AKT3: variants seen among roughly 807,000 people sequenced by gnomAD.
The protein encoded by AKT3 is RAC-gamma serine/threonine-protein kinase.
A neutral mutation model predicts 65.3 loss-of-function variants in AKT3; 15 were observed. The ratio of observed to expected loss-of-function variants is 0.23; its 90% CI spans 0.15 to 0.35. The LOEUF (loss-of-function observed/expected upper bound fraction) is 0.35. Among genes scored for constraint, AKT3 ranks in the 10% least tolerant of loss-of-function variants. AKT3 has a pLI of 1.00. For synonymous variants in AKT3, 206 were observed against 183.8 expected (o/e 1.12, Z -0.98); for missense variants, 243 against 576.5 (o/e 0.42, Z 5.92).
chr1:243,689,482 ATTTTTTTT>A (rs11354558), intron 3 of AKT3, among the ~76,000 whole-genome samples: 1 of 128,388 alleles, frequency 7.8e-6, no homozygotes, highest in African/African-American at 2.9e-5. Flanking sequence ...TTATTCAAAG[ATTTTTTTT>A]TTTTTTTTTT....
intron 12 of AKT3, among the ~76,000 whole-genome samples, chr1:243,529,074 T>C (rs1170721782): frequency 6.6e-6 from 1 of 152,134 alleles, no homozygotes; most frequent in African/African-American, 2.4e-5. Context: ...CATTTTTTCA[T>C]ATGCCTGTTG....
At chr1:243,593,649 G>A (rs1022645135) in intron 8 of AKT3, among the ~76,000 whole-genome samples, 1 of 152,086 alleles carries the variant, frequency 6.6e-6, no homozygotes, top group Non-Finnish European at 1.5e-5. Context: ...CTGAGATCAC[G>A]CCACTGCACT....
At chr1:243,834,866 C>CTT (rs1258130397) in intron 2 of AKT3, among the ~76,000 whole-genome samples, 1 of 151,900 alleles carries the variant, frequency 6.6e-6, no homozygotes, top group East Asian at 1.9e-4. Flanking sequence ...TTTTCCTGCT[C>CTT]TTTTTCAAAA....
chr1:243,747,772 A>T (rs1006272104), intron 2 of AKT3, among the ~76,000 whole-genome samples: 2 of 152,228 alleles, frequency 1.3e-5, no homozygotes, highest in Non-Finnish European at 2.9e-5. Flanking sequence ...AAACACAAAA[A>T]AAATCAAAAG....
chr1:243,793,763 A>G (rs1483542127), intron 2 of AKT3, among the ~76,000 whole-genome samples: 1 of 138,186 alleles, frequency 7.2e-6, no homozygotes, highest in African/African-American at 2.5e-5. Context: ...TCAACAACAG[A>G]GCAAAACTGT....
chr1:243,531,684 G>T (rs115171732), intron 12 of AKT3, among the ~76,000 whole-genome samples: 1 of 152,182 alleles, frequency 6.6e-6, no homozygotes, highest in South Asian at 2.1e-4. Context: ...AGAAAAAACT[G>T]CACTGAATCT....
intron 12 of AKT3, among the ~76,000 whole-genome samples, chr1:243,518,991 G>A (rs959173187): frequency 6.6e-6 from 1 of 152,164 alleles, no homozygotes; most frequent in African/African-American, 2.4e-5. Context: ...TTAAATCACT[G>A]ATGCTTTATG....
At chr1:243,783,899 A>G (rs1312485827) in intron 2 of AKT3, among the ~76,000 whole-genome samples, 1 of 152,206 alleles carries the variant, frequency 6.6e-6, no homozygotes, top group Non-Finnish European at 1.5e-5. Context: ...AAATGTACAA[A>G]TTCCAGCTTT....
chr1:243,711,117 C>G (rs1240012109), intron 2 of AKT3, among the ~76,000 whole-genome samples: 1 of 152,118 alleles, frequency 6.6e-6, no homozygotes, highest in Non-Finnish European at 1.5e-5. Flanking sequence ...TCAGGAGTTA[C>G]AGACAAGCCT....
intron 2 of AKT3, among the ~76,000 whole-genome samples, chr1:243,796,568 T>C (rs1260791971): frequency 6.6e-6 from 1 of 152,212 alleles, no homozygotes; most frequent in African/African-American, 2.4e-5. Context: ...TCTGATCCCA[T>C]TTAATACCAT....
chr1:243,629,407 T>G (rs1679431067), intron 6 of AKT3, among the ~76,000 whole-genome samples: 1 of 152,160 alleles, frequency 6.6e-6, no homozygotes, highest in Admixed American at 6.5e-5. Context: ...CAAAAGAACT[T>G]CTTTCAGGAT....
intron 5 of AKT3, among the ~76,000 whole-genome samples, chr1:243,638,982 C>G (rs936785190): frequency 6.6e-6 from 1 of 152,100 alleles, no homozygotes; most frequent in South Asian, 2.1e-4. Context: ...TGATAAGCCT[C>G]TGGCCAGGTT....
At chr1:243,829,061 T>A (rs912931800) in intron 2 of AKT3, among the ~76,000 whole-genome samples, 7 of 152,128 alleles carry the variant, frequency 4.6e-5, no homozygotes, top group African/African-American at 1.7e-4. Context: ...TTCTTAATTA[T>A]CCCCCTTCCT....
Position 243,510,091 on chromosome 1 carries a change from G to A in AKT3, c.1354+2233C>T, listed in dbSNP as rs187999474. Among the ~76,000 whole-genome samples, 65 of 152,250 alleles carry A rather than the reference G, an allele frequency of 4.3e-4. No individual in the cohort carries two copies. In the East Asian group the frequency reaches 7.2e-3, roughly 17 times the overall value. ...ACATATTTACTTGCTCTAAAGGTAC[G>A]CAAATGCCAAATGCTCTATTTAAGA... On this transcript the variant is annotated intron_variant, in intron 13 of 13. Transcript: ENST00000673466.
At chr1:243,812,851 G>A (rs1407535836) in intron 2 of AKT3, among the ~76,000 whole-genome samples, 1 of 152,060 alleles carries the variant, frequency 6.6e-6, no homozygotes, top group Non-Finnish European at 1.5e-5. Context: ...TAAAAATGAT[G>A]AGTTCATGTC....
At chr1:243,649,374 GTGTGTATATATATATGTTA>G (rs1681117110) in intron 4 of AKT3, among the ~76,000 whole-genome samples, 1 of 150,654 alleles carries the variant, frequency 6.6e-6, no homozygotes, top group African/African-American at 2.4e-5. Flanking sequence ...GGGTGTGTGT[GTGTGTATATATATATGTTA>G]TGTGTATATA....
intron 2 of AKT3, among the ~76,000 whole-genome samples, chr1:243,743,388 T>C (rs984789532): frequency 2.6e-5 from 4 of 152,214 alleles, no homozygotes; most frequent in Admixed American, 6.5e-5. Flanking sequence ...ACACTTCATT[T>C]TTTCTAGTCT....
intron 1 of AKT3, chr1:243,843,710 G>A (rs1377597238): frequency 2.4e-6 from 1 of 413,208 alleles, no homozygotes; most frequent in Non-Finnish European, 3.2e-6. Context: ...GGAGTACAGT[G>A]GCGCGATCTC....
chr1:243,748,864 C>A (rs1410524326), intron 2 of AKT3, among the ~76,000 whole-genome samples: 1 of 152,076 alleles, frequency 6.6e-6, no homozygotes, highest in Non-Finnish European at 1.5e-5. Context: ...GTTAGCCTTA[C>A]CATACGAATC....
Sources: allele counts gnomAD v4.1 joint callset (sites outside exome capture counted in the v4.1 genomes callset), GRCh38; gene constraint gnomAD v4.1.1; transcripts MANE v1.5; gene names NCBI Gene and HGNC (gene_info 2026-07-23, HGNC 2026-07-21).